Variants in ZNF761 observed in about 807,000 individuals in gnomAD.
ZNF761 encodes zinc finger protein 761.
A neutral mutation model predicts 59.9 loss-of-function variants in ZNF761; 43 were observed. The observed-to-expected ratio is 0.72, with a 90% CI of 0.56 to 0.92. The LOEUF (loss-of-function observed/expected upper bound fraction) is 0.92. Ranked by LOEUF, ZNF761 falls within the 40% of genes least tolerant of loss-of-function variation. The probability of loss-of-function intolerance (pLI) is 0.00; values close to 1 mark genes in which losing one functional copy is unlikely to be tolerated. For missense variants in ZNF761, 850 were observed against 906.1 expected (o/e 0.94, Z 0.79); for synonymous variants, 294 against 304.8 (o/e 0.96, Z 0.37).
At position 53,455,249 on chromosome 19, in the gene ZNF761, G is replaced by T. The variant is rs117216773; in HGVS notation, c.742G>T (p.Gly248Cys). 7.3e-4 allele frequency: 1,177 copies of T among 1,614,186 alleles called. 16 individuals are homozygous for T. In the East Asian group the frequency reaches 0.022, roughly 31 times the overall value. Residue 248 changes from glycine to cysteine, a missense_variant, in exon 5 of 5, where the codon GGC becomes TGC. Gly to Cys is a radical substitution (Grantham distance 159, BLOSUM62 -3). Coordinates refer to ENST00000684525, the MANE Select transcript of ZNF761 (RefSeq NM_001289951.2). Reference protein sequence around the residue: ...LADKYKCDVCGKLFNQKRNLA... With the variant: ...LADKYKCDVCCKLFNQKRNLA... ...AGACAAATATAAATGTGATGTATGT[G>T]GCAAGCTCTTTAATCAGAAGCGAAA...
chr19:53,455,852 C>A lies in ZNF761; in HGVS notation c.1345C>A (p.Arg449=). The A allele has an allele frequency of 1.9e-6, 3 of 1,613,598 alleles. No homozygotes were observed. The highest frequency in any genetic ancestry group is 2.5e-6 in the Non-Finnish European group (3 of 1,179,884). The change falls in exon 5 of 5, where the codon CGG becomes AGG. Residue 449 remains arginine, a synonymous_variant. Coordinates refer to ENST00000684525, the MANE Select transcript of ZNF761 (RefSeq NM_001289951.2). ...KCNECGKTFS[R]TSSLTCHRRR... is the part of the protein sequence containing the mutation. The stretch of plus-strand genomic sequence containing the variant: ...TAATGAGTGTGGAAAGACCTTTAGC[C>A]GGACATCATCCCTTACATGCCATCG...
chr19:53,442,480 A>C (rs1335574982), intron 1 of ZNF761: 12 of 741,812 alleles, frequency 1.6e-5, no homozygotes, highest in Non-Finnish European at 2.7e-5. Flanking sequence ...GAGTTGGCTG[A>C]GAGATCAGTA....
At position 53,455,107 on chromosome 19, in the gene ZNF761, A is replaced by G; in HGVS notation, c.600A>G (p.Ser200=). 1.9e-6 allele frequency: 3 copies of G among 1,614,202 alleles called. No individual in the cohort carries two copies. Among genetic ancestry groups the G allele is most frequent in the East Asian group, 2.2e-5 (1 of 44,878 alleles). Residue 200 remains serine, a synonymous_variant, in exon 5 of 5, where the codon TCA becomes TCG. Coordinates refer to ENST00000684525, the MANE Select transcript of ZNF761 (RefSeq NM_001289951.2). Reference sequence around the variant, plus strand: ...ATGGGAATAATTTCTGGAATTCTTCATTACTCACACAAAAACAGGAAGTAC... The same window carrying G: ...ATGGGAATAATTTCTGGAATTCTTCGTTACTCACACAAAAACAGGAAGTAC... The part of the protein sequence containing the change: ...NNHGNNFWNS[S]LLTQKQEVHM...
At chr19:53,445,587 G>A (rs2086148693) in intron 1 of ZNF761, among the ~76,000 whole-genome samples, 1 of 152,084 alleles carries the variant, frequency 6.6e-6, no homozygotes, top group Admixed American at 6.6e-5. Flanking sequence ...GAAATGATCG[G>A]CAAAATAGTG....
chr19:53,452,786 A>C (rs2086232664), intron 4 of ZNF761, among the ~76,000 whole-genome samples: 1 of 152,206 alleles, frequency 6.6e-6, no homozygotes, highest in African/African-American at 2.4e-5. Context: ...TGAAAGCACA[A>C]GTCCTATTCA....
chr19:53,448,775 ATTTTT>A (rs35551715), intron 3 of ZNF761, among the ~76,000 whole-genome samples: 1 of 125,106 alleles, frequency 8.0e-6, no homozygotes, highest in Non-Finnish European at 1.7e-5. Flanking sequence ...TGGCTAGCTA[ATTTTT>A]TTTTTTTTTT....
rs755181490 is a variant in ZNF761 at position 53,455,765 on chromosome 19, A to G, written c.1258A>G (p.Ser420Gly). 1 of 1,613,770 alleles carries G rather than the reference A, an allele frequency of 6.2e-7. No homozygotes were observed. Among genetic ancestry groups the G allele is most frequent in the South Asian group, 1.1e-5 (1 of 91,046 alleles). Residue 420 changes from serine to glycine, a missense_variant, in exon 5 of 5, where the codon AGT becomes GGT. Physicochemically the swap from Ser to Gly is moderately conservative, Grantham distance 56 (BLOSUM62 0). Transcript: ENST00000684525. The part of the protein sequence containing the change: ...YKCEECDKAY[S>G]FRSNFEIHRK... ...ATGTGAAGAATGTGACAAAGCTTAC[A>G]GTTTCAGATCAAATTTTGAAATACA...
chr19:53,433,345 G>GAAAGAA (rs2147117350), intron 1 of ZNF761, among the ~76,000 whole-genome samples: 1 of 150,424 alleles, frequency 6.6e-6, no homozygotes, highest in South Asian at 2.1e-4. Context: ...TAGCTGAGTT[G>GAAAGAA]AAAGAAAAAC....
At chr19:53,440,017 A>G (rs2086082231) in intron 1 of ZNF761, among the ~76,000 whole-genome samples, 1 of 152,130 alleles carries the variant, frequency 6.6e-6, no homozygotes, top group Admixed American at 6.5e-5. Context: ...ATGAGGTTGC[A>G]CTGGTACCTG....
chr19:53,456,799 G>T lies in ZNF761; in HGVS notation c.*51G>T. 6.3e-7 allele frequency: 1 copy of T among 1,579,770 alleles called. No homozygotes were observed. The highest frequency in any genetic ancestry group is 1.1e-5 in the South Asian group (1 of 89,032). Reference sequence around the variant, plus strand: ...CAAGCACACCTTGCAGGTCATCATAGAATTCATACTGGGGAGAAACCTTAG... The same window carrying T: ...CAAGCACACCTTGCAGGTCATCATATAATTCATACTGGGGAGAAACCTTAG... On this transcript the variant is annotated 3_prime_UTR_variant, in exon 5 of 5. Coordinates refer to ENST00000684525, the MANE Select transcript of ZNF761 (RefSeq NM_001289951.2).
intron 1 of ZNF761, chr19:53,443,636 ATTC>A (rs1368989951): frequency 2.0e-5 from 3 of 152,162 alleles, no homozygotes; most frequent in Admixed American, 6.5e-5. Flanking sequence ...TGGGGAACAT[ATTC>A]TTCTAGTTTA....
rs149760748 is a variant in ZNF761 at position 53,456,743 on chromosome 19, G to A, written c.2236G>A (p.Val746Met). 1.0e-4 allele frequency: 167 copies of A among 1,613,426 alleles called. No homozygotes were observed. The highest frequency in any genetic ancestry group is 1.3e-4 in the Non-Finnish European group (155 of 1,179,696). The change falls in exon 5 of 5, where the codon GTG (valine) becomes ATG (methionine). Residue 746 changes from valine (V) to methionine (M), a missense_variant. Val to Met is a conservative substitution (Grantham distance 21). Coordinates refer to ENST00000684525, the MANE Select transcript of ZNF761 (RefSeq NM_001289951.2). ...HRRLHTGEKQ[V>M] ...TAGACTTCATACTGGAGAAAAACAA[G>A]TGTAATGAATGTGGTGAGGTTTTTA...
chr19:53,455,115 C>T lies in ZNF761; in HGVS notation c.608C>T (p.Thr203Ile). Residue 203 changes from threonine to isoleucine, a missense_variant, in exon 5 of 5, where the codon ACA (threonine) becomes ATA (isoleucine). Coordinates refer to ENST00000684525, the MANE Select transcript of ZNF761 (RefSeq NM_001289951.2). ...AATTTCTGGAATTCTTCATTACTCA[C>T]ACAAAAACAGGAAGTACACATGAGA... ...GNNFWNSSLL[T>I]QKQEVHMREK... 1 of 1,614,132 alleles carries T rather than the reference C, an allele frequency of 6.2e-7. No homozygotes were observed. Among genetic ancestry groups the T allele is most frequent in the Non-Finnish European group, 8.5e-7 (1 of 1,180,034 alleles).
intron 1 of ZNF761, among the ~76,000 whole-genome samples, chr19:53,434,213 T>A (rs1286559546): frequency 2.6e-5 from 4 of 152,204 alleles, no homozygotes; most frequent in African/African-American, 7.2e-5. Flanking sequence ...GAGTACTGAA[T>A]TAGTCTTTCA....
intron 4 of ZNF761, among the ~76,000 whole-genome samples, chr19:53,452,919 A>T (rs1024049874): frequency 2.0e-5 from 3 of 152,190 alleles, no homozygotes; most frequent in African/African-American, 7.2e-5. Flanking sequence ...GGTAGCCTGC[A>T]TCATATTTTT....
At chr19:53,454,562 C>T (rs1370756972) in intron 4 of ZNF761, 88 bp from the exon 5 acceptor site, 1 of 1,358,352 alleles carries the variant, frequency 7.4e-7, no homozygotes, top group African/African-American at 1.5e-5. Flanking sequence ...TTTAAAATAA[C>T]TATTGTTTTT....
intron 1 of ZNF761, chr19:53,442,535 A>G (rs1281296071): frequency 1.4e-6 from 1 of 704,464 alleles, no homozygotes; most frequent in Non-Finnish European, 2.6e-6. Flanking sequence ...ATAAACTGAA[A>G]TGCACCAAAG....
At chr19:53,435,581 G>T (rs1467605537) in intron 1 of ZNF761, among the ~76,000 whole-genome samples, 1 of 152,010 alleles carries the variant, frequency 6.6e-6, no homozygotes, top group African/African-American at 2.4e-5. Context: ...GGAATTACAG[G>T]CATGAGCAAC....
Position 53,457,303 on chromosome 19 carries a change from C to A in ZNF761, c.*555C>A, listed in dbSNP as rs958700128. ...TCATACCTTGCAGTTCATCGGTGAA[C>A]TCAACGCTGGAGAGAAACCTTACAA... On this transcript the variant is annotated 3_prime_UTR_variant, in exon 5 of 5. Transcript: ENST00000684525. 9 of 406,256 alleles carry A rather than the reference C, an allele frequency of 2.2e-5. No homozygotes were observed. Among genetic ancestry groups the A allele is most frequent in the African/African-American group, 1.9e-4 (9 of 48,214 alleles). 25.2% of individuals were successfully genotyped at this position (406,256 alleles called of 1,614,324 possible).
Sources: allele counts gnomAD v4.1 joint callset (sites outside exome capture counted in the v4.1 genomes callset), GRCh38; gene constraint gnomAD v4.1.1; transcripts MANE v1.5; gene names NCBI Gene and HGNC (gene_info 2026-07-23, HGNC 2026-07-21).